ZNF341: variants seen among roughly 807,000 people sequenced by gnomAD.
The protein encoded by ZNF341 is zinc finger protein 341.
In ZNF341, 52 loss-of-function variants were observed where a neutral mutation model predicts 87.7. That is an observed-to-expected ratio of 0.59 (90% CI 0.47 to 0.75). ZNF341 has a LOEUF of 0.75. ZNF341 is among the 30% of genes least tolerant of loss of function. The probability of loss-of-function intolerance (pLI) is 0.00; values close to 1 mark genes in which losing one functional copy is unlikely to be tolerated. For missense variants in ZNF341, 977 were observed against 1,145.9 expected (o/e 0.85, Z 2.13); for synonymous variants, 459 against 472.7 (o/e 0.97, Z 0.38).
intron 12 of ZNF341, chr20:33,787,244 T>C (rs1168159890): frequency 6.6e-6 from 1 of 151,704 alleles, no homozygotes; most frequent in East Asian, 1.9e-4. Flanking sequence ...TTTTTTTTGT[T>C]GGAGCTTACA....
chr20:33,755,923 A>G (rs1407872361), intron 5 of ZNF341, among the ~76,000 whole-genome samples: 5 of 152,000 alleles, frequency 3.3e-5, no homozygotes, highest in African/African-American at 1.2e-4. Flanking sequence ...CCTCAGGAAG[A>G]CCAATGGATG....
chr20:33,760,518 G>GTATTT (rs2019269210), intron 7 of ZNF341, among the ~76,000 whole-genome samples: 1 of 152,046 alleles, frequency 6.6e-6, no homozygotes, highest in Admixed American at 6.6e-5. Flanking sequence ...ACTGAATTTT[G>GTATTT]TATTTTATTT....
chr20:33,739,256 C>T lies in ZNF341; in HGVS notation c.32-1646C>T, dbSNP rs1016947431. Among the ~76,000 whole-genome samples the T allele has an allele frequency of 2.0e-5, 3 of 152,356 alleles. No homozygotes were observed. In the South Asian group the frequency reaches 6.2e-4, roughly 32 times the overall value. ...GTGCTGGAATTACAGGCGTGAGCCA[C>T]CATGCCCGGCCAGAGATAACTGGTC... On this transcript the variant is annotated intron_variant, in intron 1 of 14. Coordinates refer to ENST00000375200, the MANE Select transcript of ZNF341 (RefSeq NM_001282933.2).
At chr20:33,760,122 G>C (rs1244985965) in intron 7 of ZNF341, among the ~76,000 whole-genome samples, 2 of 152,236 alleles carry the variant, frequency 1.3e-5, no homozygotes, top group East Asian at 3.8e-4. Flanking sequence ...CTCAAATTGG[G>C]TTGGGCATGG....
At chr20:33,735,526 C>T (rs949264708) in intron 1 of ZNF341, among the ~76,000 whole-genome samples, 3 of 152,184 alleles carry the variant, frequency 2.0e-5, no homozygotes, top group African/African-American at 7.2e-5. Flanking sequence ...CTATGTTGCC[C>T]AGGTTGATCT....
intron 8 of ZNF341, among the ~76,000 whole-genome samples, 192 bp downstream of exon 8, chr20:33,762,247 C>G (rs2019310471): frequency 6.6e-6 from 1 of 152,096 alleles, no homozygotes; most frequent in Non-Finnish European, 1.5e-5. Context: ...TACTCTAATA[C>G]TGTACCCATG....
intron 4 of ZNF341, chr20:33,752,423 C>T (rs966102236): frequency 1.6e-5 from 10 of 618,400 alleles, no homozygotes; most frequent in Admixed American, 3.8e-5. Context: ...CTGAGGAGCA[C>T]GCTTCTTGAA....
intron 5 of ZNF341, among the ~76,000 whole-genome samples, chr20:33,756,363 T>C (rs1276892784): frequency 1.5e-5 from 2 of 137,656 alleles, no homozygotes; most frequent in Non-Finnish European, 3.0e-5. Context: ...TGGTTCTCTC[T>C]CTCTCTTTTT....
intron 9 of ZNF341, among the ~76,000 whole-genome samples, chr20:33,768,642 C>T (rs1157740441): frequency 6.6e-6 from 1 of 152,082 alleles, no homozygotes; most frequent in Non-Finnish European, 1.5e-5. Context: ...AGGCTGGTCT[C>T]GAACTCCTGG....
At chr20:33,770,346 C>A in intron 10 of ZNF341, 54 bp downstream of exon 10, 2 of 1,428,144 alleles carry the variant, frequency 1.4e-6, no homozygotes, top group Non-Finnish European at 2.0e-6. Flanking sequence ...GGGCAGGGAG[C>A]CCAGGGCCTG....
At chr20:33,746,742 G>C (rs1601240245) in intron 3 of ZNF341, among the ~76,000 whole-genome samples, 2 of 152,326 alleles carry the variant, frequency 1.3e-5, no homozygotes, top group East Asian at 3.9e-4. Flanking sequence ...TGGCAGTGGA[G>C]GTGGTGAGAA....
At chr20:33,736,163 G>C (rs1317904863) in intron 1 of ZNF341, among the ~76,000 whole-genome samples, 1 of 131,634 alleles carries the variant, frequency 7.6e-6, no homozygotes, top group Admixed American at 8.1e-5. Context: ...AAACAGTTCA[G>C]ATGTTCTTCT....
intron 1 of ZNF341, among the ~76,000 whole-genome samples, chr20:33,734,778 C>T (rs542016735): frequency 1.3e-5 from 2 of 152,194 alleles, no homozygotes; most frequent in South Asian, 2.1e-4. Context: ...AATCTTGGCT[C>T]AATGCAGCCT....
chr20:33,776,416 C>T (rs1451971596), intron 10 of ZNF341, among the ~76,000 whole-genome samples: 1 of 147,532 alleles, frequency 6.8e-6, no homozygotes, highest in African/African-American at 2.5e-5. Flanking sequence ...GAGACAGGAT[C>T]TCACTCTGTC....
rs756572973 is a variant in ZNF341, at chr20:33,767,057, C to A, written c.1413+16C>A. On this transcript the variant is annotated intron_variant, in intron 9 of 14. Transcript: ENST00000375200. ...GAATGAGCAGGTAGGTGGATGGTGG[C>A]AGCAGGGGCCCACACCACACCAGTC... is the stretch of plus-strand genomic sequence containing the variant. 6.2e-7 allele frequency: 1 copy of A among 1,604,096 alleles called. No homozygotes were observed. Among genetic ancestry groups the A allele is most frequent in the Non-Finnish European group, 8.5e-7 (1 of 1,174,650 alleles).
intron 12 of ZNF341, among the ~76,000 whole-genome samples, chr20:33,786,235 C>T (rs2019860647): frequency 6.6e-6 from 1 of 151,816 alleles, no homozygotes; most frequent in South Asian, 2.1e-4. Flanking sequence ...AACTCCTGAC[C>T]TCAAGTGATC....
At chr20:33,752,748 G>T (rs1170112306) in intron 4 of ZNF341, among the ~76,000 whole-genome samples, 1 of 150,792 alleles carries the variant, frequency 6.6e-6, no homozygotes, top group Non-Finnish European at 1.5e-5. Flanking sequence ...CGTCTCCCAG[G>T]TTCACACCAT....
chr20:33,753,073 G>A, intron 4 of ZNF341, 99 bp from the exon 5 acceptor site: 1 of 1,565,072 alleles, frequency 6.4e-7, no homozygotes, highest in Non-Finnish European at 8.7e-7. Context: ...GTAAGTAGCT[G>A]TTTTTCCACC....
At chr20:33,761,831 A>G (rs2019298043) in intron 7 of ZNF341, 31 bp from the exon 8 acceptor site, 2 of 1,447,304 alleles carry the variant, frequency 1.4e-6, no homozygotes, top group Non-Finnish European at 1.9e-6. Context: ...CCGTTCCTGC[A>G]GGAGGGCACT....
Sources: allele counts gnomAD v4.1 joint callset (sites outside exome capture counted in the v4.1 genomes callset), GRCh38; gene constraint gnomAD v4.1.1; transcripts MANE v1.5; gene names NCBI Gene and HGNC (gene_info 2026-07-23, HGNC 2026-07-21).